Variants in ATG3 observed in about 807,000 individuals in gnomAD.
ATG3 encodes autophagy related 3, also known as ubiquitin-like-conjugating enzyme ATG3.
ATG3 carries 25 observed loss-of-function variants against 50.7 expected under a neutral mutation model. The observed-to-expected ratio is 0.49, with a 90% confidence interval of 0.36 to 0.69. ATG3 has a LOEUF of 0.69. Among genes scored for constraint, ATG3 ranks in the 30% least tolerant of loss-of-function variants. The pLI is 0.00. For synonymous variants in ATG3, 119 were observed against 125.5 expected (o/e 0.95, Z 0.34); for missense variants, 281 against 376.0 (o/e 0.75, Z 2.09).
At chr3:112,559,420 A>G (rs1933778497) in intron 1 of ATG3, among the ~76,000 whole-genome samples, 1 of 152,236 alleles carries the variant, frequency 6.6e-6, no homozygotes, top group Non-Finnish European at 1.5e-5. Context: ...TTGGGGGTGA[A>G]TAACATAAAT....
At chr3:112,541,617 T>C (rs935500764) in intron 7 of ATG3, among the ~76,000 whole-genome samples, 186 bp downstream of exon 7, 14 of 152,272 alleles carry the variant, frequency 9.2e-5, no homozygotes, top group African/African-American at 2.6e-4. Flanking sequence ...TGGAGTAAAA[T>C]AGAAGAGTCC....
At chr3:112,534,182 C>T in intron 11 of ATG3, 87 bp downstream of exon 11, 1 of 1,545,342 alleles carries the variant, frequency 6.5e-7, no homozygotes, top group Non-Finnish European at 8.7e-7. Context: ...GTTATAGCTA[C>T]TGTATCATTA....
At chr3:112,539,308 G>GT (rs903798980) in intron 7 of ATG3, among the ~76,000 whole-genome samples, 1 of 151,760 alleles carries the variant, frequency 6.6e-6, no homozygotes, top group African/African-American at 2.4e-5. Context: ...CTGGTCCCTG[G>GT]TTACCTCTCT....
intron 1 of ATG3, among the ~76,000 whole-genome samples, chr3:112,560,493 C>G (rs1002950081): frequency 6.6e-6 from 1 of 151,858 alleles, no homozygotes; most frequent in East Asian, 1.9e-4. Context: ...GGGAGCAAAG[C>G]AAAACTCTCC....
chr3:112,544,680 A>G (rs933526043), intron 5 of ATG3, among the ~76,000 whole-genome samples: 7 of 150,852 alleles, frequency 4.6e-5, no homozygotes, highest in Non-Finnish European at 1.0e-4. Flanking sequence ...AGGAAAGACA[A>G]GAGTTTAAAA....
At chr3:112,555,274 T>C (rs1010593557) in intron 2 of ATG3, among the ~76,000 whole-genome samples, 7 of 152,212 alleles carry the variant, frequency 4.6e-5, no homozygotes, top group African/African-American at 1.7e-4. Context: ...TCATTAGCAA[T>C]GGCCATCATA....
At chr3:112,538,072 T>C in intron 8 of ATG3, 74 bp downstream of exon 8, 2 of 1,290,572 alleles carry the variant, frequency 1.5e-6, no homozygotes, top group Non-Finnish European at 2.2e-6. Context: ...GAAAGATCAA[T>C]ATATTATTAG....
In ATG3 at chr3:112,561,593, G is replaced by A; in HGVS notation, c.-65C>T. 1 of 1,521,822 alleles carries A rather than the reference G, an allele frequency of 6.6e-7. No homozygotes were observed. The highest frequency in any genetic ancestry group is 8.9e-7 in the Non-Finnish European group (1 of 1,119,044). The allele number at this position is 1,521,822 out of a possible 1,614,324, so 94.3% of individuals were successfully genotyped here. ...AAAGTGCAGCCGTGTCAGGGGCCAG[G>A]GAGTCAGAAAATGTCCTCGCTGCCA... On this transcript the variant is annotated 5_prime_UTR_variant, in exon 1 of 12. Transcript: ENST00000283290.
chr3:112,541,194 C>T (rs1310795393), intron 7 of ATG3, among the ~76,000 whole-genome samples: 1 of 152,076 alleles, frequency 6.6e-6, no homozygotes, highest in East Asian at 1.9e-4. Flanking sequence ...CGAGACCATC[C>T]TGGCCAACAT....
intron 5 of ATG3, among the ~76,000 whole-genome samples, chr3:112,545,097 T>C (rs1289049751): frequency 6.6e-6 from 1 of 152,202 alleles, no homozygotes; most frequent in Non-Finnish European, 1.5e-5. Context: ...ACAATGACTA[T>C]CTTATGAGGA....
intron 2 of ATG3, 38 bp from the exon 3 acceptor site, chr3:112,553,367 AAG>A (rs766718361): frequency 2.0e-4 from 316 of 1,581,664 alleles, no homozygotes; most frequent in Middle Eastern, 3.4e-4. Flanking sequence ...AAAAAGGAAA[AAG>A]AAAAATCAAA....
At chr3:112,533,286 T>C (rs970904829) in intron 11 of ATG3, 6 of 984,654 alleles carry the variant, frequency 6.1e-6, no homozygotes, top group African/African-American at 1.7e-5. Context: ...AATTTTTTTA[T>C]GTTCATTGCA....
chr3:112,548,214 TG>T (rs1933423205), intron 5 of ATG3, among the ~76,000 whole-genome samples: 1 of 151,958 alleles, frequency 6.6e-6, no homozygotes, highest in Non-Finnish European at 1.5e-5. Context: ...TAGCTGGGCG[TG>T]GGGGTGCACA....
chr3:112,546,915 T>C (rs1933384769), intron 5 of ATG3, among the ~76,000 whole-genome samples: 1 of 152,236 alleles, frequency 6.6e-6, no homozygotes, highest in Admixed American at 6.5e-5. Context: ...GGCTTTGATA[T>C]AGCACTCGAC....
At chr3:112,542,933 C>A (rs1933270710) in intron 6 of ATG3, among the ~76,000 whole-genome samples, 1 of 151,930 alleles carries the variant, frequency 6.6e-6, no homozygotes, top group Non-Finnish European at 1.5e-5. Flanking sequence ...AACAGCAAAG[C>A]AATTTGTGTT....
At chr3:112,549,314 T>A (rs979877262) in intron 4 of ATG3, among the ~76,000 whole-genome samples, 7 of 152,112 alleles carry the variant, frequency 4.6e-5, no homozygotes, top group Admixed American at 2.0e-4. Context: ...CTGATTTTTT[T>A]AAAACAATCA....
At position 112,561,638 on chromosome 3, in the gene ATG3, G is replaced by A. The variant is rs922805804; in HGVS notation, c.-110C>T. 3.5e-6 allele frequency: 4 copies of A among 1,147,226 alleles called. No homozygotes were observed. The highest frequency in any genetic ancestry group is 1.6e-5 in the African/African-American group (1 of 63,760). The allele number at this position is 1,147,226 out of a possible 1,614,324, so 71.1% of individuals were successfully genotyped here. A position where few individuals can be genotyped will look rare whatever the true frequency, so the allele number is the denominator to read the frequency against. On this transcript the variant is annotated 5_prime_UTR_variant, in exon 1 of 12. Coordinates refer to ENST00000283290, the MANE Select transcript of ATG3 (RefSeq NM_022488.5). ...CTGCCACCGACTCGCATCAGCACCC[G>A]GCTGGCAGCACCCGAGGGGACGGGA...
chr3:112,553,455 A>G (rs1933581951), intron 2 of ATG3, 126 bp from the exon 3 acceptor site: 1 of 696,360 alleles, frequency 1.4e-6, no homozygotes, highest in Admixed American at 2.3e-5. Flanking sequence ...AAGCAATAAA[A>G]ATATAAACAG....
intron 2 of ATG3, 84 bp downstream of exon 2, chr3:112,558,292 A>G: frequency 1.0e-6 from 1 of 977,974 alleles, no homozygotes; most frequent in Non-Finnish European, 1.5e-6. Context: ...TTAAAGTTCA[A>G]GATGTTTTCT....
Sources: gnomAD v4.1 joint callset for allele counts (sites outside exome capture counted in the v4.1 genomes callset) on GRCh38, gnomAD v4.1.1 for gene constraint, MANE v1.5 for transcripts, NCBI Gene and HGNC (gene_info 2026-07-23, HGNC 2026-07-21) for gene names.